The following TEX9 variants were observed in gnomAD, a reference collection of about 807,000 sequenced individuals.
TEX9 encodes the protein testis-expressed protein 9.
In TEX9, 74 loss-of-function variants were observed where a neutral mutation model predicts 59.6. The ratio of observed to expected loss-of-function variants is 1.24; its 90% confidence interval spans 1.03 to 1.51. The LOEUF (loss-of-function observed/expected upper bound fraction) is 1.51, where lower values mean the gene tolerates loss of function less well. Ranked by LOEUF, TEX9 falls within the 40% of genes most tolerant of loss-of-function variation. The pLI is 0.00. For missense variants in TEX9, 522 were observed against 447.8 expected (o/e 1.17, Z -1.49); for synonymous variants, 186 against 152.2 (o/e 1.22, Z -1.64).
At chr15:56,273,552 GA>G (rs1287008632) in intron 1 of TEX9, among the ~76,000 whole-genome samples, 41 of 151,950 alleles carry the variant, frequency 2.7e-4, no homozygotes, top group Non-Finnish European at 3.8e-4. Context: ...TTAAAATAAG[GA>G]AAAAAAGTCT....
intron 12 of TEX9, chr15:56,429,055 A>G (rs779089818): frequency 1.8e-5 from 22 of 1,231,760 alleles, no homozygotes; most frequent in African/African-American, 7.7e-5. Context: ...GCTGACATCT[A>G]GTGGTAACAT....
the TEX9 span, among the ~76,000 whole-genome samples, chr15:56,453,788 T>C: frequency 6.6e-6 from 1 of 152,170 alleles, no homozygotes; most frequent in Non-Finnish European, 1.5e-5. Flanking sequence ...AAACCATGTG[T>C]TCCAAAATCA....
intron 1 of TEX9, among the ~76,000 whole-genome samples, chr15:56,269,303 T>C (rs193169300): frequency 2.6e-5 from 4 of 152,284 alleles, no homozygotes; most frequent in African/African-American, 7.2e-5. Context: ...TGAAGGGTTT[T>C]TTCGTGTCTC....
intron 1 of TEX9, among the ~76,000 whole-genome samples, chr15:56,284,420 A>AT: frequency 1.3e-5 from 2 of 152,276 alleles, no homozygotes; most frequent in Middle Eastern, 3.4e-3. Context: ...GTAAACTATG[A>AT]TATTATCTGG....
Position 56,383,958 on chromosome 15 carries a change from C to T in TEX9, c.190C>T (p.Arg64Trp), listed in dbSNP as rs748173177. 6 of 1,609,222 alleles carry T rather than the reference C, an allele frequency of 3.7e-6. No homozygotes were observed. Among genetic ancestry groups the T allele is most frequent in the East Asian group, 2.2e-5 (1 of 44,700 alleles). ...CTATCTTTACTCATTTAAGAGAGAT[C>T]GGCAAGAAGTACGATCTAGGCCTGT... The change falls in exon 4 of 13, where the codon CGG becomes TGG. Residue 64 changes from arginine to tryptophan, a missense_variant. Coordinates refer to ENST00000352903, the Ensembl canonical transcript of TEX9.
At chr15:56,360,575 C>T (rs2046771533), upstream of TEX9, among the ~76,000 whole-genome samples, 1 of 152,006 alleles carries the variant, frequency 6.6e-6, no homozygotes, top group African/African-American at 2.4e-5. Context: ...AATGTTGGTA[C>T]TGTATTGTTT....
intron 12 of TEX9, chr15:56,429,173 A>G (rs770609926): frequency 1.3e-6 from 2 of 1,596,098 alleles, no homozygotes; most frequent in Admixed American, 1.8e-5. Flanking sequence ...GATCAATATC[A>G]TCCTCTTTTT....
At chr15:56,431,616 G>T (rs937220296) in intron 12 of TEX9, 36 of 845,746 alleles carry the variant, frequency 4.3e-5, no homozygotes, top group South Asian at 2.3e-4. Context: ...ATGACACTAA[G>T]TTCAAAAGAT....
intron 12 of TEX9, among the ~76,000 whole-genome samples, chr15:56,442,658 T>A (rs529662224): frequency 6.6e-6 from 1 of 152,294 alleles, no homozygotes; most frequent in East Asian, 1.9e-4. Flanking sequence ...AAATACTACA[T>A]GTCTTCACAT....
At chr15:56,331,684 C>T (rs930526861) in intron 1 of TEX9, among the ~76,000 whole-genome samples, 2 of 151,756 alleles carry the variant, frequency 1.3e-5, no homozygotes, top group South Asian at 4.2e-4. Flanking sequence ...TAGCCATAAG[C>T]ACCTACATAA....
intron 12 of TEX9, chr15:56,434,387 T>G: frequency 6.2e-7 from 1 of 1,610,742 alleles, no homozygotes. Flanking sequence ...ATTTCTTTTC[T>G]GCTTCTTCCT....
chr15:56,317,181 G>T (rs952768627), intron 1 of TEX9, among the ~76,000 whole-genome samples: 3 of 152,314 alleles, frequency 2.0e-5, no homozygotes, highest in Non-Finnish European at 2.9e-5. Flanking sequence ...CTCCCCCCTT[G>T]TGGGAAGTTT....
chr15:56,311,166 A>C (rs2045603996), intron 1 of TEX9, among the ~76,000 whole-genome samples: 1 of 137,968 alleles, frequency 7.2e-6, no homozygotes, highest in Non-Finnish European at 1.5e-5. Context: ...ATTATACTTT[A>C]AGTTTTAGGG....
chr15:56,349,369 C>T (rs1484679416), intron 1 of TEX9, among the ~76,000 whole-genome samples: 1 of 152,134 alleles, frequency 6.6e-6, no homozygotes, highest in African/African-American at 2.4e-5. Flanking sequence ...GAAATCTGCC[C>T]ATGCATGTGT....
chr15:56,318,433 G>A (rs2045828039), intron 1 of TEX9, among the ~76,000 whole-genome samples: 1 of 151,966 alleles, frequency 6.6e-6, no homozygotes, highest in African/African-American at 2.4e-5. Flanking sequence ...CATATCGTTG[G>A]ATCATGTTTT....
intron 12 of TEX9, chr15:56,434,196 T>G (rs770804547): frequency 6.2e-7 from 1 of 1,613,964 alleles, no homozygotes; most frequent in Admixed American, 1.7e-5. Context: ...AGCCCTCCTG[T>G]GTTCCAGCTG....
At chr15:56,434,364 T>G (rs2050681894) in intron 12 of TEX9, 1 of 1,612,600 alleles carries the variant, frequency 6.2e-7, no homozygotes, top group Non-Finnish European at 8.5e-7. Flanking sequence ...CTTCATCTCT[T>G]TTTGCTTTCT....
chr15:56,357,815 C>A (rs2046712036), intron 1 of TEX9, among the ~76,000 whole-genome samples: 1 of 151,998 alleles, frequency 6.6e-6, no homozygotes, highest in Non-Finnish European at 1.5e-5. Flanking sequence ...GTGATTCTGT[C>A]CCTTATTTCT....
At chr15:56,247,538 A>G (rs1374629526) in intron 1 of TEX9, among the ~76,000 whole-genome samples, 2 of 152,178 alleles carry the variant, frequency 1.3e-5, no homozygotes, top group African/African-American at 4.8e-5. Context: ...AAGCCATGAA[A>G]GGGTACTGTT....
Sources: gnomAD v4.1 joint callset for allele counts (sites outside exome capture counted in the v4.1 genomes callset) on GRCh38, gnomAD v4.1.1 for gene constraint, MANE v1.5 for transcripts, NCBI Gene and HGNC (gene_info 2026-07-23, HGNC 2026-07-21) for gene names.